Variants in GABBR2 observed in about 807,000 individuals in gnomAD.
The protein encoded by GABBR2 is gamma-aminobutyric acid type B receptor subunit 2.
Under a neutral mutation model 105.6 loss-of-function variants are expected in GABBR2, and 23 were observed. The ratio of observed to expected loss-of-function variants is 0.22; its 90% CI spans 0.16 to 0.31. The LOEUF (loss-of-function observed/expected upper bound fraction) is 0.31. GABBR2 is among the 10% of genes least tolerant of loss of function. GABBR2 has a pLI of 1.00. For synonymous variants in GABBR2, 478 were observed against 499.7 expected (o/e 0.96, Z 0.58); for missense variants, 734 against 1,245.5 (o/e 0.59, Z 6.18).
intron 13 of GABBR2, among the ~76,000 whole-genome samples, chr9:98,339,393 G>A (rs1447231004): frequency 6.6e-6 from 1 of 152,016 alleles, no homozygotes; most frequent in Non-Finnish European, 1.5e-5. Flanking sequence ...GCCTTGGAAA[G>A]CTATGATTAC....
chr9:98,329,311 C>A lies in GABBR2; in HGVS notation c.1894-18106G>T, dbSNP rs192713908. Reference sequence around the variant, plus strand: ...AGGTAAATCTATGCCTTGGTTTCCCCATCAGGAAAATGAGAGATTTGCTTA... The same window carrying A: ...AGGTAAATCTATGCCTTGGTTTCCCAATCAGGAAAATGAGAGATTTGCTTA... On this transcript the variant is annotated intron_variant, in intron 13 of 18. Coordinates refer to ENST00000259455, the MANE Select transcript of GABBR2 (RefSeq NM_005458.8). 2.3e-4 allele frequency among the ~76,000 whole-genome samples: 35 copies of A among 152,352 alleles called. 1 individual carries two copies. The highest frequency in any genetic ancestry group is 6.3e-4 in the African/African-American group (26 of 41,586).
intron 11 of GABBR2, among the ~76,000 whole-genome samples, chr9:98,374,554 CT>C (rs1270067800): frequency 6.6e-6 from 1 of 152,216 alleles, no homozygotes; most frequent in Non-Finnish European, 1.5e-5. Context: ...ATGCTGAACA[CT>C]GCCTTCCTTC....
chr9:98,495,932 G>C (rs1827270049), intron 4 of GABBR2: 1 of 165,950 alleles, frequency 6.0e-6, no homozygotes, highest in Non-Finnish European at 1.3e-5. Context: ...GTATGCAGAA[G>C]GAATGGACAA....
intron 1 of GABBR2, among the ~76,000 whole-genome samples, chr9:98,648,681 A>G (rs1830063670): frequency 6.6e-6 from 1 of 152,200 alleles, no homozygotes; most frequent in Non-Finnish European, 1.5e-5. Flanking sequence ...TTAGCATCAT[A>G]ATCAATTGAA....
intron 2 of GABBR2, among the ~76,000 whole-genome samples, chr9:98,576,922 G>A (rs1310037319): frequency 6.7e-6 from 1 of 149,822 alleles, no homozygotes; most frequent in Non-Finnish European, 1.5e-5. Flanking sequence ...ATGGATGGAT[G>A]GATGGATGGA....
chr9:98,532,406 C>T (rs7855682), intron 3 of GABBR2, among the ~76,000 whole-genome samples: 4 of 152,172 alleles, frequency 2.6e-5, no homozygotes, highest in Admixed American at 6.5e-5. Context: ...AGTTGGGGCC[C>T]GAGGTGGGGC....
intron 8 of GABBR2, among the ~76,000 whole-genome samples, chr9:98,400,032 A>C (rs917073758): frequency 1.3e-5 from 2 of 151,158 alleles, no homozygotes; most frequent in African/African-American, 2.4e-5. Flanking sequence ...AAAAAAAAAA[A>C]AACCTAGCCA....
chr9:98,558,938 CA>C (rs1423116507), intron 2 of GABBR2, among the ~76,000 whole-genome samples: 1 of 152,174 alleles, frequency 6.6e-6, no homozygotes, highest in African/African-American at 2.4e-5. Flanking sequence ...TGCTTTATTA[CA>C]AAGAAGCTCT....
intron 1 of GABBR2, among the ~76,000 whole-genome samples, chr9:98,645,966 C>G (rs548228422): frequency 6.6e-6 from 1 of 152,234 alleles, no homozygotes; most frequent in Non-Finnish European, 1.5e-5. Context: ...AACTTGCCCA[C>G]AATTACCTAG....
At chr9:98,494,409 A>G (rs986124989) in intron 4 of GABBR2, among the ~76,000 whole-genome samples, 3 of 152,172 alleles carry the variant, frequency 2.0e-5, no homozygotes, top group Non-Finnish European at 4.4e-5. Context: ...GGAGCTGTGC[A>G]GGTGTCTGGG....
intron 13 of GABBR2, among the ~76,000 whole-genome samples, chr9:98,348,312 T>C (rs1831334630): frequency 6.6e-6 from 1 of 152,226 alleles, no homozygotes; most frequent in Non-Finnish European, 1.5e-5. Context: ...TTCATACAAA[T>C]ATCATCTGCT....
intron 2 of GABBR2, 71 bp from the exon 3 acceptor site, chr9:98,542,114 T>G: frequency 1.5e-6 from 2 of 1,301,508 alleles, no homozygotes; most frequent in East Asian, 2.4e-5. Context: ...TCTTTCCTAC[T>G]GGAATAGAGA....
chr9:98,515,606 G>A (rs1445347532), intron 3 of GABBR2, among the ~76,000 whole-genome samples: 38 of 151,946 alleles, frequency 2.5e-4, no homozygotes, highest in Admixed American at 2.5e-3. Context: ...AGGAACTGAA[G>A]GGCTGGGACT....
chr9:98,688,469 G>T (rs1251290765), intron 1 of GABBR2, among the ~76,000 whole-genome samples: 1 of 151,196 alleles, frequency 6.6e-6, no homozygotes, highest in Non-Finnish European at 1.5e-5. Context: ...ACTTGCAGAT[G>T]AATATCTTTT....
At chr9:98,640,662 G>A (rs1000878826) in intron 1 of GABBR2, among the ~76,000 whole-genome samples, 22 of 152,254 alleles carry the variant, frequency 1.4e-4, no homozygotes, top group Non-Finnish European at 2.6e-4. Flanking sequence ...TGTTTTGCGG[G>A]CCCAGAGCAG....
At chr9:98,325,392 AG>A (rs1326254198) in intron 13 of GABBR2, among the ~76,000 whole-genome samples, 1 of 148,676 alleles carries the variant, frequency 6.7e-6, no homozygotes, top group Non-Finnish European at 1.5e-5. Context: ...CCTAGGTTCA[AG>A]TAATTCTTCT....
At chr9:98,488,226 G>C (rs1827100156) in intron 4 of GABBR2, among the ~76,000 whole-genome samples, 3 of 152,168 alleles carry the variant, frequency 2.0e-5, no homozygotes, top group Admixed American at 2.0e-4. Flanking sequence ...AAGCTGTTCA[G>C]ATTTTCACAG....
intron 13 of GABBR2, among the ~76,000 whole-genome samples, chr9:98,348,278 T>C (rs1831334124): frequency 6.6e-6 from 1 of 152,252 alleles, no homozygotes; most frequent in African/African-American, 2.4e-5. Flanking sequence ...CTTTCTATTC[T>C]GTTCCGTTGG....
chr9:98,320,957 A>G (rs1830810518), intron 13 of GABBR2, among the ~76,000 whole-genome samples: 1 of 152,074 alleles, frequency 6.6e-6, no homozygotes, highest in Admixed American at 6.6e-5. Context: ...GTGCACATGT[A>G]CCCTAAAACT....
Sources: gnomAD v4.1 joint callset for allele counts (sites outside exome capture counted in the v4.1 genomes callset) on GRCh38, gnomAD v4.1.1 for gene constraint, MANE v1.5 for transcripts, NCBI Gene and HGNC (gene_info 2026-07-23, HGNC 2026-07-21) for gene names.